PHLPP1: variants seen among roughly 807,000 people sequenced by gnomAD.
PHLPP1 encodes the protein PH domain and leucine rich repeat protein phosphatase 1, also known as PH domain leucine-rich repeat-containing protein phosphatase 1.
In PHLPP1, 42 loss-of-function variants were observed where a neutral mutation model predicts 117.2. The ratio of observed to expected loss-of-function variants is 0.36; its 90% CI spans 0.28 to 0.46. PHLPP1 has a LOEUF of 0.46. Among genes scored for constraint, PHLPP1 ranks in the 20% least tolerant of loss-of-function variants. The probability of loss-of-function intolerance (pLI) is 1.00; values close to 1 mark genes in which losing one functional copy is unlikely to be tolerated. For synonymous variants in PHLPP1, 1,042 were observed against 970.7 expected (o/e 1.07, Z -1.37); for missense variants, 2,084 against 2,241.9 (o/e 0.93, Z 1.42).
At chr18:62,752,269 G>A (rs527725140) in intron 1 of PHLPP1, among the ~76,000 whole-genome samples, 8 of 152,248 alleles carry the variant, frequency 5.3e-5, no homozygotes, top group Admixed American at 4.6e-4. Context: ...ACCCAGTAAA[G>A]AATAGCTCTT....
chr18:62,823,757 C>T (rs763790868), intron 1 of PHLPP1, among the ~76,000 whole-genome samples: 42 of 151,884 alleles, frequency 2.8e-4, no homozygotes, highest in African/African-American at 8.9e-4. Flanking sequence ...CACAAACTTG[C>T]GAGAAGATGA....
chr18:62,784,112 A>T (rs2144282238), intron 1 of PHLPP1, among the ~76,000 whole-genome samples: 1 of 152,314 alleles, frequency 6.6e-6, no homozygotes, highest in Admixed American at 6.5e-5. Flanking sequence ...CTCTGATTGT[A>T]CTTTCCTCCT....
chr18:62,864,651 C>G (rs1449929542), intron 4 of PHLPP1, among the ~76,000 whole-genome samples: 4 of 152,120 alleles, frequency 2.6e-5, no homozygotes, highest in Admixed American at 2.0e-4. Context: ...TAAAATTATC[C>G]CAAGTAAACT....
chr18:62,842,072 A>G (rs562458732), intron 3 of PHLPP1, among the ~76,000 whole-genome samples: 3 of 152,354 alleles, frequency 2.0e-5, no homozygotes, highest in South Asian at 4.1e-4. Flanking sequence ...TGAGATATGC[A>G]TATAATAGAT....
At chr18:62,771,272 T>A (rs1459096092) in intron 1 of PHLPP1, among the ~76,000 whole-genome samples, 1 of 151,502 alleles carries the variant, frequency 6.6e-6, no homozygotes, top group East Asian at 1.9e-4. Flanking sequence ...ATGTGGATCA[T>A]CTGAGGTGGT....
chr18:62,809,545 GA>G (rs1045016045), intron 1 of PHLPP1, among the ~76,000 whole-genome samples: 4 of 151,838 alleles, frequency 2.6e-5, no homozygotes, highest in African/African-American at 7.3e-5. Flanking sequence ...CTAAAAATAC[GA>G]AAAAAATTAG....
intron 1 of PHLPP1, among the ~76,000 whole-genome samples, chr18:62,792,569 A>G (rs942641126): frequency 6.6e-6 from 1 of 152,118 alleles, no homozygotes; most frequent in Admixed American, 6.5e-5. Flanking sequence ...ACCCATTGAT[A>G]AACTTTAAAA....
At chr18:62,812,510 C>A (rs562804301) in intron 1 of PHLPP1, among the ~76,000 whole-genome samples, 275 of 152,276 alleles carry the variant, frequency 1.8e-3, no homozygotes, top group African/African-American at 6.5e-3. Flanking sequence ...GTATACTGGA[C>A]CTTAGACATT....
intron 1 of PHLPP1, among the ~76,000 whole-genome samples, chr18:62,793,680 G>T (rs375209606): frequency 1.1e-4 from 17 of 152,238 alleles, no homozygotes; most frequent in African/African-American, 3.4e-4. Flanking sequence ...CTGTTTCTAC[G>T]GAGGAATAAA....
chr18:62,871,590 A>C (rs1033442533), intron 4 of PHLPP1, among the ~76,000 whole-genome samples: 1 of 151,184 alleles, frequency 6.6e-6, no homozygotes, highest in African/African-American at 2.4e-5. Context: ...GGCCTCCGAA[A>C]GTGCTGGGAT....
chr18:62,837,256 T>A (rs919310944), intron 2 of PHLPP1, among the ~76,000 whole-genome samples: 2 of 152,166 alleles, frequency 1.3e-5, no homozygotes, highest in African/African-American at 4.8e-5. Context: ...TCTCCCGAAG[T>A]GCTGGGATTA....
At chr18:62,874,131 C>G (rs996362767) in intron 4 of PHLPP1, among the ~76,000 whole-genome samples, 15 of 151,144 alleles carry the variant, frequency 9.9e-5, no homozygotes, top group African/African-American at 3.6e-4. Context: ...TTGTGGTGAG[C>G]CGAGATCACG....
chr18:62,823,166 A>G (rs544119753), intron 1 of PHLPP1, among the ~76,000 whole-genome samples: 2 of 152,224 alleles, frequency 1.3e-5, no homozygotes, highest in African/African-American at 2.4e-5. Flanking sequence ...ATAAAAGACG[A>G]ATCAAATAAT....
At chr18:62,865,893 C>A (rs2144367126) in intron 4 of PHLPP1, among the ~76,000 whole-genome samples, 1 of 152,134 alleles carries the variant, frequency 6.6e-6, no homozygotes, top group Non-Finnish European at 1.5e-5. Flanking sequence ...GGCTGGAGGG[C>A]AGGAAGAAGG....
intron 1 of PHLPP1, among the ~76,000 whole-genome samples, chr18:62,813,706 T>C (rs757435395): frequency 2.6e-5 from 4 of 152,200 alleles, no homozygotes; most frequent in African/African-American, 4.8e-5. Context: ...TGAGAAACTC[T>C]TGAGTGGCAG....
rs569472395 is a variant in PHLPP1 at position 62,797,519 on chromosome 18, A to G, written c.1577-32516A>G. Among the ~76,000 whole-genome samples, 3 of 152,316 alleles carry G rather than the reference A, an allele frequency of 2.0e-5. No homozygotes were observed. In the South Asian group the frequency reaches 6.2e-4, roughly 32 times the overall value. On this transcript the variant is annotated intron_variant, in intron 1 of 16. Transcript: ENST00000262719. ...GGGCAGGGTAAGGAGGTGCTAGGGA[A>G]TCGGGGTTGCACTATTACAGATGGA...
chr18:62,767,631 C>T (rs1178496572), intron 1 of PHLPP1, among the ~76,000 whole-genome samples: 1 of 152,144 alleles, frequency 6.6e-6, no homozygotes, highest in African/African-American at 2.4e-5. Flanking sequence ...TTACTGTTGC[C>T]ACAGAGTTTT....
intron 1 of PHLPP1, among the ~76,000 whole-genome samples, chr18:62,764,160 T>A (rs1912369251): frequency 1.1e-5 from 1 of 93,602 alleles, no homozygotes; most frequent in Non-Finnish European, 2.0e-5. Context: ...TGAAACTCCA[T>A]CTCAAAAAAA....
At chr18:62,811,907 T>C (rs34212978) in intron 1 of PHLPP1, among the ~76,000 whole-genome samples, 10,290 of 152,230 alleles carry the variant, frequency 0.068, 497 homozygotes, top group Non-Finnish European at 0.1. Flanking sequence ...GGGCAGTGAG[T>C]TGATTATTAT....
Sources: gnomAD v4.1 joint callset for allele counts (sites outside exome capture counted in the v4.1 genomes callset) on GRCh38, gnomAD v4.1.1 for gene constraint, MANE v1.5 for transcripts, NCBI Gene and HGNC (gene_info 2026-07-23, HGNC 2026-07-21) for gene names.